CARD14: variants seen among roughly 807,000 people sequenced by gnomAD.
The protein encoded by CARD14 is caspase recruitment domain family member 14.
A neutral mutation model predicts 111.5 loss-of-function variants in CARD14; 107 were observed. That is an observed-to-expected ratio of 0.96 (90% CI 0.82 to 1.13). The LOEUF (loss-of-function observed/expected upper bound fraction) is 1.13, where lower values mean the gene tolerates loss of function less well. Among genes scored for constraint, CARD14 ranks in the 50% most tolerant of loss-of-function variants. The probability of loss-of-function intolerance (pLI) is 0.00; values close to 1 mark genes in which losing one functional copy is unlikely to be tolerated. For missense variants in CARD14, 1,322 were observed against 1,362.3 expected (o/e 0.97, Z 0.47); for synonymous variants, 617 against 579.6 (o/e 1.06, Z -0.93).
chr17:80,198,196 T>A lies in CARD14; in HGVS notation c.1658+34T>A. On this transcript the variant is annotated intron_variant, in intron 15 of 23. Coordinates refer to ENST00000648509, the MANE Select transcript of CARD14 (RefSeq NM_001366385.1). The surrounding 1 kb of genome is among the most constrained non-coding windows in gnomAD (Gnocchi z 7.5). Reference sequence around the variant, plus strand: ...CAGGTGGGAATCCTCCGAGGCTGGCTGGGGAACCAGGGCCAGGGAGTGGCA... The same window carrying A: ...CAGGTGGGAATCCTCCGAGGCTGGCAGGGGAACCAGGGCCAGGGAGTGGCA... 1 of 1,611,568 alleles carries A rather than the reference T, an allele frequency of 6.2e-7. No individual in the cohort carries two copies.
rs903785235 is a variant in CARD14, at chr17:80,182,491, C to T, written c.212-162C>T. On this transcript the variant is annotated intron_variant, in intron 5 of 23. Transcript: ENST00000648509. The surrounding 1 kb of genome is among the most constrained non-coding windows in gnomAD (Gnocchi z 4.7). ...GGAGCCTGTGAGAGCAGTGAGGGCG[C>T]GTCCCACCCAGCAGAACCCAGAAAA... Among the ~76,000 whole-genome samples the T allele has an allele frequency of 2.0e-5, 3 of 152,170 alleles. No individual in the cohort carries two copies. The highest frequency in any genetic ancestry group is 7.2e-5 in the African/African-American group (3 of 41,440).
At chr17:80,205,474 C>T in intron 21 of CARD14, 57 bp from the exon 22 acceptor site, 1 of 1,556,418 alleles carries the variant, frequency 6.4e-7, no homozygotes, top group Non-Finnish European at 8.7e-7. Flanking sequence ...TACCATGGGA[C>T]TCCCCCAGAC....
At chr17:80,171,965 C>T (rs2039912754) in intron 1 of CARD14, among the ~76,000 whole-genome samples, 1 of 152,194 alleles carries the variant, frequency 6.6e-6, no homozygotes, top group Non-Finnish European at 1.5e-5. Flanking sequence ...ACCCGAGAAA[C>T]CTGTAGTCCT....
chr17:80,202,219 CG>C lies in CARD14; in HGVS notation c.2019del (p.Thr674ProfsTer48). 6.2e-7 allele frequency: 1 copy of C among 1,613,952 alleles called. No individual in the cohort carries two copies. The highest frequency in any genetic ancestry group is 8.5e-7 in the Non-Finnish European group (1 of 1,180,014). ...CTCCAGGACCTGGAGGCCAAAGTGG[CG>C]ACCTCGGGGGACTCATTCTACATCC... ...RLLQDLEAKV[A>X]TSGDSFYIRV... is the part of the protein sequence containing the mutation. On this transcript the variant is annotated frameshift_variant, in exon 18 of 24. Transcript: ENST00000648509. LOFTEE classifies it high-confidence loss of function.
Position 80,205,105 on chromosome 17 carries a change from A to C in CARD14, c.2469A>C (p.Arg823=). Reference sequence around the variant, plus strand: ...CCTATACCCTGGTGCGGCCCCATCGACCCGCCCGGCCCCGGCCTGTGCTCC... The same window carrying C: ...CCTATACCCTGGTGCGGCCCCATCGCCCCGCCCGGCCCCGGCCTGTGCTCC... ...LVPYTLVRPH[R]PARPRPVLLV... The change falls in exon 21 of 24, where the codon CGA becomes CGC. Residue 823 remains arginine, a synonymous_variant. Transcript: ENST00000648509. 1.2e-6 allele frequency: 2 copies of C among 1,613,436 alleles called. No homozygotes were observed. The highest frequency in any genetic ancestry group is 1.7e-6 in the Non-Finnish European group (2 of 1,179,866).
In CARD14 at chr17:80,201,260, G is replaced by A. The variant is rs1023869412; in HGVS notation, c.1852-484G>A. ...AATGAAGTGGATGGTGGAAGCCCTG[G>A]GGGGTGGGCCTTCACAGTGGGGAAG... On this transcript the variant is annotated intron_variant, in intron 16 of 23. Transcript: ENST00000648509. The surrounding 1 kb of genome is among the most constrained non-coding windows in gnomAD (Gnocchi z 5.0). 6.1e-6 allele frequency: 1 copy of A among 163,044 alleles called. No individual in the cohort carries two copies. Among genetic ancestry groups the A allele is most frequent in the Non-Finnish European group, 1.4e-5 (1 of 73,890 alleles). The allele number at this position is 163,044 out of a possible 1,614,324, so 10.1% of individuals were successfully genotyped here.
Position 80,198,814 on chromosome 17 carries a change from C to T in CARD14, c.1851+223C>T, listed in dbSNP as rs530392583. 1.1e-4 allele frequency: 168 copies of T among 1,477,534 alleles called. No homozygotes were observed. The highest frequency in any genetic ancestry group is 1.3e-4 in the Non-Finnish European group (147 of 1,119,634). The allele number at this position is 1,477,534 out of a possible 1,614,324, so 91.5% of individuals were successfully genotyped here. ...CACCCGTGGTGCTGCTGCCATGCGG[C>T]GCTTCTGACCAGGGGTCTTTGCATG... is the stretch of plus-strand genomic sequence containing the variant. On this transcript the variant is annotated intron_variant, in intron 16 of 23. Coordinates refer to ENST00000648509, the MANE Select transcript of CARD14 (RefSeq NM_001366385.1). This position sits in a 1 kb window ranked among gnomAD's most constrained non-coding sequence, Gnocchi z 7.5.
In CARD14 at chr17:80,198,206, G is replaced by A. The variant is rs1598673955; in HGVS notation, c.1658+44G>A. Reference sequence around the variant, plus strand: ...TCCTCCGAGGCTGGCTGGGGAACCAGGGCCAGGGAGTGGCAGAGCAGAGGG... The same window carrying A: ...TCCTCCGAGGCTGGCTGGGGAACCAAGGCCAGGGAGTGGCAGAGCAGAGGG... On this transcript the variant is annotated intron_variant, in intron 15 of 23. Transcript: ENST00000648509. The surrounding 1 kb of genome is among the most constrained non-coding windows in gnomAD (Gnocchi z 7.5). The A allele has an allele frequency of 6.2e-7, 1 of 1,607,822 alleles. No individual in the cohort carries two copies. The highest frequency in any genetic ancestry group is 1.1e-5 in the South Asian group (1 of 90,880).
Position 80,202,247 on chromosome 17 carries a change from G to A in CARD14, c.2046G>A (p.Arg682=). ...VATSGDSFYI[R]VNLAMEGRAK... ...CCTCGGGGGACTCATTCTACATCCG[G>A]GTCAACCTGGCCATGGAGGGCAGGG... The change falls in exon 18 of 24, where the codon CGG becomes CGA. Residue 682 remains arginine (R), a synonymous_variant. Transcript: ENST00000648509. 1 of 1,614,016 alleles carries A rather than the reference G, an allele frequency of 6.2e-7. No homozygotes were observed. Among genetic ancestry groups the A allele is most frequent in the Non-Finnish European group, 8.5e-7 (1 of 1,180,038 alleles).
At chr17:80,207,329 T>C (rs2041382461) in intron 23 of CARD14, among the ~76,000 whole-genome samples, 3 of 152,194 alleles carry the variant, frequency 2.0e-5, no homozygotes, top group African/African-American at 7.2e-5. Flanking sequence ...GGTGGGCAGA[T>C]TGCTTGAGGT....
At position 80,190,892 on chromosome 17, in the gene CARD14, G is replaced by A. The variant is rs763738345; in HGVS notation, c.1082G>A (p.Arg361Gln). Residue 361 changes from arginine to glutamine, a missense_variant, in exon 10 of 24, where the codon CGA becomes CAA. Arg to Gln is a conservative substitution (Grantham distance 43, BLOSUM62 1). Transcript: ENST00000648509. ...QAQVCELQKE[R>Q]DQAYSARDSA... ...CAGGTGTGCGAGCTGCAGAAGGAGC[G>A]AGACCAGGTACCTGAGAGGCCGGGC... 5.1e-5 allele frequency: 82 copies of A among 1,612,588 alleles called. 1 individual carries two copies. Among genetic ancestry groups the A allele is most frequent in the South Asian group, 4.4e-4 (40 of 90,886 alleles).
chr17:80,188,894 T>A lies in CARD14; in HGVS notation c.843+350T>A. The A allele has an allele frequency of 6.2e-6, 1 of 160,160 alleles. No homozygotes were observed. The highest frequency in any genetic ancestry group is 1.4e-5 in the Non-Finnish European group (1 of 73,624). 9.9% of individuals were successfully genotyped at this position (160,160 alleles called of 1,614,324 possible). ...GGCGAGACCCCATCTCTACAAAAAA[T>A]ACAAAAAGTAGCCGGGCATGGTGGT... is the stretch of plus-strand genomic sequence containing the variant. On this transcript the variant is annotated intron_variant, in intron 8 of 23. Coordinates refer to ENST00000648509, the MANE Select transcript of CARD14 (RefSeq NM_001366385.1). The surrounding 1 kb of genome is among the most constrained non-coding windows in gnomAD (Gnocchi z 4.5).
intron 18 of CARD14, 171 bp downstream of exon 18, chr17:80,202,591 T>G: frequency 7.0e-7 from 1 of 1,433,526 alleles, no homozygotes; most frequent in African/African-American, 1.4e-5. Flanking sequence ...TTCTTTGTGA[T>G]GGATGCTTTA....
rs781479850 is a variant in CARD14 at position 80,205,104 on chromosome 17, G to A, written c.2468G>A (p.Arg823Gln). 34 of 1,613,530 alleles carry A rather than the reference G, an allele frequency of 2.1e-5. No homozygotes were observed. Among genetic ancestry groups the A allele is most frequent in the Non-Finnish European group, 2.7e-5 (32 of 1,179,894 alleles). Residue 823 changes from arginine to glutamine, a missense_variant, in exon 21 of 24, where the codon CGA becomes CAA. By Grantham distance (43) the Arg-to-Gln change is conservative. Coordinates refer to ENST00000648509, the MANE Select transcript of CARD14 (RefSeq NM_001366385.1). ...LVPYTLVRPHRPARPRPVLLV... is the reference protein window; with the variant it reads ...LVPYTLVRPHQPARPRPVLLV... ...CCCTATACCCTGGTGCGGCCCCATC[G>A]ACCCGCCCGGCCCCGGCCTGTGCTC...
chr17:80,202,775 G>A (rs985669275), intron 18 of CARD14: 3 of 326,694 alleles, frequency 9.2e-6, no homozygotes, highest in African/African-American at 4.2e-5. Context: ...CCAGGATGCC[G>A]GGACTACTCC....
chr17:80,187,709 C>T (rs74970887), intron 7 of CARD14: 12 of 975,216 alleles, frequency 1.2e-5, no homozygotes, highest in Middle Eastern at 5.2e-4. Flanking sequence ...GCTTGCCTCA[C>T]GGGGAAAGTC....
At chr17:80,184,520 C>T (rs1180334284) in intron 7 of CARD14, among the ~76,000 whole-genome samples, 1 of 152,236 alleles carries the variant, frequency 6.6e-6, no homozygotes, top group Non-Finnish European at 1.5e-5. Context: ...CCTGCTGACG[C>T]CTGGGCAGGT....
intron 11 of CARD14, 46 bp downstream of exon 11, chr17:80,191,518 C>T (rs750807585): frequency 5.6e-6 from 9 of 1,594,302 alleles, no homozygotes; most frequent in Middle Eastern, 1.9e-4. Context: ...GCAGGGGCTG[C>T]GGTGACAGTG....
In CARD14 at chr17:80,205,570, GA is replaced by G. The variant is rs1412823635; in HGVS notation, c.2610del (p.Asp872ThrfsTer15). On this transcript the variant is annotated frameshift_variant, in exon 22 of 24. Transcript: ENST00000648509. LOFTEE classifies it high-confidence loss of function. The stretch of plus-strand genomic sequence containing the variant: ...GAGGAGTATGAGGCCTGGAGCCAGA[GA>G]GGGGACATCATCCAGGAGGGAGAGG... ...SQEEYEAWSQ[R>X]GDIIQEGEVS... 13 of 1,581,584 alleles carry G rather than the reference GA, an allele frequency of 8.2e-6. No homozygotes were observed. Among genetic ancestry groups the G allele is most frequent in the Non-Finnish European group, 1.0e-5 (12 of 1,163,242 alleles).
Sources: allele counts gnomAD v4.1 joint callset (sites outside exome capture counted in the v4.1 genomes callset), GRCh38; gene constraint gnomAD v4.1.1; non-coding constraint Gnocchi (gnomAD v3.1); transcripts MANE v1.5; gene names NCBI Gene and HGNC (gene_info 2026-07-23, HGNC 2026-07-21).